Variants in DDX21 observed in about 807,000 individuals in gnomAD.
DDX21 encodes nucleolar RNA helicase 2.
A neutral mutation model predicts 90.0 loss-of-function variants in DDX21; 18 were observed. The ratio of observed to expected loss-of-function variants is 0.20; its 90% CI spans 0.14 to 0.30. The LOEUF is 0.30. Among genes scored for constraint, DDX21 ranks in the 10% least tolerant of loss-of-function variants. The probability of loss-of-function intolerance (pLI) is 1.00; values close to 1 mark genes in which losing one functional copy is unlikely to be tolerated. For synonymous variants in DDX21, 294 were observed against 318.0 expected (o/e 0.92, Z 0.80); for missense variants, 673 against 944.5 (o/e 0.71, Z 3.77).
Position 68,983,068 on chromosome 10 carries a change from T to C in DDX21, c.*256T>C, listed in dbSNP as rs1843218527. The stretch of plus-strand genomic sequence containing the variant: ...AATTCATTACATTTTTATTCTAATG[T>C]ATTATCTGTAGATTAGAAGATAAAA... On this transcript the variant is annotated 3_prime_UTR_variant, in exon 15 of 15. Coordinates refer to ENST00000354185, the MANE Select transcript of DDX21 (RefSeq NM_004728.4). The C allele has an allele frequency of 1.9e-6, 1 of 515,916 alleles. No homozygotes were observed. The highest frequency in any genetic ancestry group is 3.4e-6 in the Non-Finnish European group (1 of 291,938). 32.0% of individuals were successfully genotyped at this position (515,916 alleles called of 1,614,324 possible).
chr10:68,973,456 A>G (rs974440340), intron 9 of DDX21, 89 bp from the exon 10 acceptor site: 2 of 1,532,294 alleles, frequency 1.3e-6, no homozygotes, highest in African/African-American at 1.4e-5. Context: ...TATAACCACA[A>G]TTGCTAGTGT....
In DDX21 at chr10:68,978,715, G is replaced by A. The variant is rs1201283689; in HGVS notation, c.1903-127G>A. On this transcript the variant is annotated intron_variant, in intron 12 of 14. Transcript: ENST00000354185. ...AAACGAGGGACTGTTCGTACTAATT[G>A]TTTGTGTGAGATGTATGTTTTTAGG... The A allele has an allele frequency of 3.2e-6, 4 of 1,252,362 alleles. No individual in the cohort carries two copies. The East Asian group carries it at 7.4e-5, about 23-fold the overall frequency. The allele number at this position is 1,252,362 out of a possible 1,614,324, so 77.6% of individuals were successfully genotyped here.
chr10:68,965,624 T>C (rs1296058980), intron 5 of DDX21, 130 bp downstream of exon 5: 2 of 676,586 alleles, frequency 3.0e-6, no homozygotes, highest in African/African-American at 3.6e-5. Flanking sequence ...TCTTTTGCCA[T>C]TGTTTAAACA....
intron 8 of DDX21, among the ~76,000 whole-genome samples, chr10:68,970,683 C>T (rs1005673798): frequency 3.9e-5 from 6 of 151,908 alleles, no homozygotes; most frequent in East Asian, 1.9e-4. Flanking sequence ...GAGGGGGTCT[C>T]GCTTCTTCGC....
At chr10:68,979,002 C>A in intron 13 of DDX21, 26 bp downstream of exon 13, 1 of 1,613,356 alleles carries the variant, frequency 6.2e-7, no homozygotes, top group Non-Finnish European at 8.5e-7. Flanking sequence ...CTGTTGTAAC[C>A]TTGATGGGGC....
At chr10:68,956,455 G>A in intron 1 of DDX21, 143 bp downstream of exon 1, 2 of 1,482,404 alleles carry the variant, frequency 1.3e-6, no homozygotes, top group Non-Finnish European at 1.8e-6. Context: ...TTGGCGGGCG[G>A]TCGCCCAGGA....
At chr10:68,961,032 A>G (rs1274417618) in intron 2 of DDX21, among the ~76,000 whole-genome samples, 2 of 152,236 alleles carry the variant, frequency 1.3e-5, no homozygotes, top group Non-Finnish European at 2.9e-5. Flanking sequence ...ACAGGATGAT[A>G]AAATGTCTGT....
Position 68,978,829 on chromosome 10 carries a change from C to T in DDX21, c.1903-13C>T. On this transcript the variant is annotated splice_polypyrimidine_tract_variant and intron_variant, in intron 12 of 14. Coordinates refer to ENST00000354185, the MANE Select transcript of DDX21 (RefSeq NM_004728.4). ...CAGCACTTTAATTTTATTCTCCTTT[C>T]TTGTGTTGTAAGGGTTTTGTGACCA... The T allele has an allele frequency of 6.2e-7, 1 of 1,603,840 alleles. No homozygotes were observed. Among genetic ancestry groups the T allele is most frequent in the Non-Finnish European group, 8.5e-7 (1 of 1,173,590 alleles).
chr10:68,965,213 T>C (rs1842924192), intron 4 of DDX21, among the ~76,000 whole-genome samples, 164 bp from the exon 5 acceptor site: 1 of 152,224 alleles, frequency 6.6e-6, no homozygotes, highest in Non-Finnish European at 1.5e-5. Flanking sequence ...AAGAATTTAG[T>C]AGAGTCTCAG....
At position 68,982,708 on chromosome 10, in the gene DDX21, G is replaced by A. The variant is rs774770089; in HGVS notation, c.2248G>A (p.Gly750Ser). The A allele has an allele frequency of 6.2e-7, 1 of 1,614,128 alleles. No individual in the cohort carries two copies. Among genetic ancestry groups the A allele is most frequent in the East Asian group, 2.2e-5 (1 of 44,884 alleles). The change falls in exon 15 of 15, where the codon GGC (glycine) becomes AGC (serine). Residue 750 changes from glycine (G) to serine (S), a missense_variant. Gly to Ser is a moderately conservative substitution (Grantham distance 56, BLOSUM62 0). This residue lies in a region of DDX21 where 225 missense variants were observed against 298.8 expected (regional missense o/e 0.75). Transcript: ENST00000354185. Reference protein sequence around the residue: ...GNRRFRGQREGSRGPRGQRSG... With the variant: ...GNRRFRGQRESSRGPRGQRSG... Reference sequence around the variant, plus strand: ...CAGAAGATTCAGAGGACAGCGGGAAGGCAGTAGAGGCCCGAGAGGACAGCG... The same window carrying A: ...CAGAAGATTCAGAGGACAGCGGGAAAGCAGTAGAGGCCCGAGAGGACAGCG...
intron 6 of DDX21, among the ~76,000 whole-genome samples, chr10:68,968,087 T>C (rs1379264723): frequency 6.6e-6 from 1 of 151,006 alleles, no homozygotes; most frequent in Non-Finnish European, 1.5e-5. Flanking sequence ...ACCATGCTGG[T>C]CTTGAACTCT....
At chr10:68,967,947 T>A (rs1242715024) in intron 6 of DDX21, among the ~76,000 whole-genome samples, 1 of 151,794 alleles carries the variant, frequency 6.6e-6, no homozygotes, top group Non-Finnish European at 1.5e-5. Flanking sequence ...CAGGCTGGAG[T>A]GCAGTGGTGG....
intron 7 of DDX21, 57 bp from the exon 8 acceptor site, chr10:68,970,144 G>A (rs2132087479): frequency 6.7e-7 from 1 of 1,501,896 alleles, no homozygotes; most frequent in Non-Finnish European, 9.1e-7. Context: ...ATTGTGTTGT[G>A]ATTTTAGTTT....
intron 13 of DDX21, among the ~76,000 whole-genome samples, chr10:68,981,265 G>A (rs1843186796): frequency 6.6e-6 from 1 of 152,180 alleles, no homozygotes; most frequent in Non-Finnish European, 1.5e-5. Context: ...CCACTAGGGG[G>A]TTAGCACAGT....
chr10:68,973,499 T>C, intron 9 of DDX21, 46 bp from the exon 10 acceptor site: 1 of 1,612,158 alleles, frequency 6.2e-7, no homozygotes, highest in Non-Finnish European at 8.5e-7. Flanking sequence ...CAGGTGTTTG[T>C]CTCTCTTTTT....
At position 68,962,068 on chromosome 10, in the gene DDX21, C is replaced by T. The variant is rs992079705; in HGVS notation, c.532-14C>T. On this transcript the variant is annotated splice_polypyrimidine_tract_variant and intron_variant, in intron 2 of 14. Coordinates refer to ENST00000354185, the MANE Select transcript of DDX21 (RefSeq NM_004728.4). ...GTGATTATTGATTTCTTTCTATGGC[C>T]CTTTACTTGATAGGAAATACCTGTG... 2.5e-6 allele frequency: 4 copies of T among 1,597,922 alleles called. No individual in the cohort carries two copies. Among genetic ancestry groups the T allele is most frequent in the Non-Finnish European group, 3.4e-6 (4 of 1,168,740 alleles).
intron 1 of DDX21, among the ~76,000 whole-genome samples, chr10:68,959,572 T>C (rs1271003991): frequency 1.3e-5 from 2 of 152,152 alleles, no homozygotes; most frequent in African/African-American, 2.4e-5. Context: ...TTTTCCAAGA[T>C]AGTGAAACTA....
At chr10:68,976,663 G>T (rs1000585140) in intron 11 of DDX21, among the ~76,000 whole-genome samples, 3 of 152,092 alleles carry the variant, frequency 2.0e-5, no homozygotes, top group Non-Finnish European at 4.4e-5. Flanking sequence ...TACAGACAGG[G>T]TTCCCTTGGG....
At chr10:68,964,868 T>C (rs966426042) in intron 4 of DDX21, among the ~76,000 whole-genome samples, 3 of 152,044 alleles carry the variant, frequency 2.0e-5, no homozygotes, top group African/African-American at 7.2e-5. Context: ...GCCAGGCTGG[T>C]CTTGAACTCC....
Sources: allele counts gnomAD v4.1 joint callset (sites outside exome capture counted in the v4.1 genomes callset), GRCh38; gene constraint gnomAD v4.1.1; regional missense constraint gnomAD v4.1.1; transcripts MANE v1.5; gene names NCBI Gene and HGNC (gene_info 2026-07-23, HGNC 2026-07-21).